The following HDX variants were observed in gnomAD, a reference collection of about 807,000 sequenced individuals.
The protein encoded by HDX is highly divergent homeobox.
In HDX, 19 loss-of-function variants were observed where a neutral mutation model predicts 45.2. The observed-to-expected ratio is 0.42, with a 90% confidence interval of 0.29 to 0.62. HDX has a LOEUF of 0.62. HDX is among the 20% of genes least tolerant of loss of function. The pLI is 0.20. For synonymous variants in HDX, 188 were observed against 172.8 expected (o/e 1.09, Z -0.69); for missense variants, 532 against 493.9 (o/e 1.08, Z -0.73).
chrX:84,411,092 T>C (rs1463099449), intron 5 of HDX, among the ~76,000 whole-genome samples: 1 of 111,562 alleles, frequency 9.0e-6, no homozygotes, highest in East Asian at 2.8e-4. Flanking sequence ...TTATCTTATG[T>C]ATTCTTTCAA....
chrX:84,402,842 T>A (rs2038737238), intron 5 of HDX, among the ~76,000 whole-genome samples: 1 of 111,303 alleles, frequency 9.0e-6, no homozygotes, highest in African/African-American at 3.3e-5. Flanking sequence ...TAATTGGAAT[T>A]TTTAGTGTTT....
chrX:84,408,675 T>G (rs142037929), intron 5 of HDX, among the ~76,000 whole-genome samples: 3,262 of 109,741 alleles, frequency 0.03, 56 homozygotes, highest in Non-Finnish European at 0.047. Context: ...TTTAATGATA[T>G]TGGGTCTCCC....
intron 4 of HDX, among the ~76,000 whole-genome samples, chrX:84,447,844 G>T (rs892673640): frequency 9.0e-6 from 1 of 111,137 alleles, no homozygotes; most frequent in Non-Finnish European, 1.9e-5. Context: ...TTGAGAAAAG[G>T]CTGCCATACT....
intron 5 of HDX, among the ~76,000 whole-genome samples, chrX:84,369,601 G>T (rs750079391): frequency 1.8e-5 from 2 of 111,902 alleles, no homozygotes; most frequent in South Asian, 3.7e-4. Context: ...ACATGTGTGC[G>T]TGTTTTTGCA....
intron 4 of HDX, among the ~76,000 whole-genome samples, chrX:84,449,452 C>G (rs996668838): frequency 8.9e-6 from 1 of 111,885 alleles, no homozygotes; most frequent in Non-Finnish European, 1.9e-5. Context: ...AAACCCACAT[C>G]AGACTAACAC....
chrX:84,385,492 C>T (rs1479240411), intron 5 of HDX, among the ~76,000 whole-genome samples: 1 of 110,383 alleles, frequency 9.1e-6, no homozygotes, highest in African/African-American at 3.3e-5. Flanking sequence ...GGACTACAGG[C>T]GTGAGCCACC....
chrX:84,458,633 G>A (rs1474238231), intron 4 of HDX, among the ~76,000 whole-genome samples: 2 of 111,214 alleles, frequency 1.8e-5, no homozygotes, highest in East Asian at 5.7e-4. Context: ...TCAATTTCAA[G>A]GTAAAACAAC....
intron 6 of HDX, among the ~76,000 whole-genome samples, chrX:84,353,944 G>A (rs2037416593): frequency 9.0e-6 from 1 of 111,309 alleles, no homozygotes; most frequent in Non-Finnish European, 1.9e-5. Flanking sequence ...CCAGTTCTTT[G>A]CTTCAGATCT....
intron 9 of HDX, among the ~76,000 whole-genome samples, chrX:84,331,298 T>C (rs765259349): frequency 2.4e-4 from 27 of 111,871 alleles, no homozygotes; most frequent in African/African-American, 8.4e-4. Context: ...GTAATAATTA[T>C]CAAATGCACC....
chrX:84,349,630 T>A (rs960145434), intron 6 of HDX, among the ~76,000 whole-genome samples: 52 of 95,209 alleles, frequency 5.5e-4, no homozygotes, highest in African/African-American at 1.7e-3. Flanking sequence ...TATATATATA[T>A]AAACAACCCT....
chrX:84,371,704 T>C (rs960013846), intron 5 of HDX, among the ~76,000 whole-genome samples: 2 of 112,251 alleles, frequency 1.8e-5, no homozygotes, highest in African/African-American at 6.5e-5. Context: ...CTTGCTGGTA[T>C]CATCATATCA....
chrX:84,494,541 A>T (rs759880114), intron 1 of HDX, among the ~76,000 whole-genome samples: 2 of 112,283 alleles, frequency 1.8e-5, no homozygotes, highest in South Asian at 3.7e-4. Flanking sequence ...GGGGAAAAAG[A>T]TTTAGTCACA....
At chrX:84,382,060 A>C (rs759332659) in intron 5 of HDX, among the ~76,000 whole-genome samples, 14 of 111,205 alleles carry the variant, frequency 1.3e-4, no homozygotes, top group Non-Finnish European at 2.7e-4. Flanking sequence ...TATTTTTCAG[A>C]AGACATACAA....
At chrX:84,501,881 T>C (rs776036985) in intron 1 of HDX, among the ~76,000 whole-genome samples, 7 of 109,220 alleles carry the variant, frequency 6.4e-5, no homozygotes, top group Admixed American at 1.9e-4. Context: ...CTCCTCACAG[T>C]GACCCACCCC....
At chrX:84,375,404 C>G (rs1391469905) in intron 5 of HDX, among the ~76,000 whole-genome samples, 1 of 110,756 alleles carries the variant, frequency 9.0e-6, no homozygotes, top group Non-Finnish European at 1.9e-5. Flanking sequence ...GGTATATACC[C>G]AAAGGATTAT....
At chrX:84,377,677 C>T (rs1469046612) in intron 5 of HDX, among the ~76,000 whole-genome samples, 1 of 109,585 alleles carries the variant, frequency 9.1e-6, no homozygotes, top group African/African-American at 3.3e-5. Context: ...AGCTTGAAGA[C>T]ATGTTATTTA....
At chrX:84,400,419 C>A (rs1438822001) in intron 5 of HDX, among the ~76,000 whole-genome samples, 2 of 107,733 alleles carry the variant, frequency 1.9e-5, no homozygotes, top group African/African-American at 6.8e-5. Context: ...AAAAGTCAAG[C>A]AGAGAGGCAA....
intron 6 of HDX, among the ~76,000 whole-genome samples, chrX:84,355,044 G>A (rs1248478462): frequency 9.9e-6 from 1 of 100,950 alleles, no homozygotes; most frequent in Admixed American, 1.1e-4. Flanking sequence ...TGCCCCCCCA[G>A]CTCTAAATCA....
chrX:84,356,661 C>T (rs988847728), intron 6 of HDX, among the ~76,000 whole-genome samples: 5 of 82,078 alleles, frequency 6.1e-5, no homozygotes, highest in Admixed American at 3.5e-4. Context: ...CTTGCTCTGT[C>T]GCCCAGGCTG....
Sources: gnomAD v4.1 joint callset for allele counts (sites outside exome capture counted in the v4.1 genomes callset) on GRCh38, gnomAD v4.1.1 for gene constraint, MANE v1.5 for transcripts, NCBI Gene and HGNC (gene_info 2026-07-23, HGNC 2026-07-21) for gene names.